SPATA16: variants seen among roughly 807,000 people sequenced by gnomAD.
SPATA16 encodes the protein spermatogenesis associated 16.
SPATA16 carries 36 observed loss-of-function variants against 63.3 expected under a neutral mutation model. The observed-to-expected ratio is 0.57, with a 90% CI of 0.44 to 0.75. The LOEUF (loss-of-function observed/expected upper bound fraction) is 0.75, where lower values mean the gene tolerates loss of function less well. Ranked by LOEUF, SPATA16 falls within the 30% of genes least tolerant of loss-of-function variation. The pLI is 0.00. For synonymous variants in SPATA16, 203 were observed against 216.7 expected, an observed-to-expected ratio of 0.94 and a Z score of 0.56; for missense variants, 646 against 679.3, an observed-to-expected ratio of 0.95 and a Z score of 0.54.
intron 2 of SPATA16, 75 bp from the exon 3 acceptor site, chr3:173,049,169 G>T (rs1265762109): frequency 2.1e-6 from 3 of 1,463,016 alleles, no homozygotes. Context: ...CAAAACATGT[G>T]TATGTTTTAT....
At chr3:173,050,484 T>G (rs1441804632) in intron 2 of SPATA16, among the ~76,000 whole-genome samples, 2 of 152,144 alleles carry the variant, frequency 1.3e-5, no homozygotes, top group African/African-American at 2.4e-5. Context: ...TCTTTACATT[T>G]TAATTTGAAT....
chr3:173,008,207 T>A (rs1306051164), intron 4 of SPATA16, among the ~76,000 whole-genome samples: 1 of 152,188 alleles, frequency 6.6e-6, no homozygotes, highest in Non-Finnish European at 1.5e-5. Context: ...GGCTCTTAGT[T>A]ATTTACCAGC....
At chr3:172,934,038 A>G (rs890906128) in intron 6 of SPATA16, among the ~76,000 whole-genome samples, 3 of 152,174 alleles carry the variant, frequency 2.0e-5, no homozygotes, top group East Asian at 1.9e-4. Context: ...CATTATTACA[A>G]TATTATCACT....
At chr3:173,112,941 G>A (rs1213852896) in intron 2 of SPATA16, among the ~76,000 whole-genome samples, 2 of 151,474 alleles carry the variant, frequency 1.3e-5, no homozygotes, top group African/African-American at 4.9e-5. Flanking sequence ...GATTGAAATG[G>A]TGGTGTTGTT....
intron 2 of SPATA16, among the ~76,000 whole-genome samples, chr3:173,105,710 A>G (rs1737603880): frequency 6.6e-6 from 1 of 152,014 alleles, no homozygotes; most frequent in Non-Finnish European, 1.5e-5. Context: ...CATGCAATAT[A>G]TCCAAAGTTG....
chr3:173,104,429 G>A (rs1489802892), intron 2 of SPATA16, among the ~76,000 whole-genome samples: 1 of 152,180 alleles, frequency 6.6e-6, no homozygotes, highest in African/African-American at 2.4e-5. Context: ...AAAAGGTTTA[G>A]TTGGCTTACA....
intron 6 of SPATA16, among the ~76,000 whole-genome samples, chr3:172,952,663 C>T (rs903636125): frequency 2.6e-5 from 4 of 152,070 alleles, no homozygotes; most frequent in African/African-American, 9.7e-5. Context: ...GAGTTTGGGC[C>T]GGGTGCAGTG....
intron 1 of SPATA16, among the ~76,000 whole-genome samples, chr3:173,129,238 T>C (rs1738307424): frequency 6.6e-6 from 1 of 152,172 alleles, no homozygotes; most frequent in Non-Finnish European, 1.5e-5. Flanking sequence ...GGGAGGACGT[T>C]CCAAACTCAA....
intron 3 of SPATA16, among the ~76,000 whole-genome samples, chr3:173,030,082 C>G (rs1403312308): frequency 6.6e-6 from 1 of 151,414 alleles, no homozygotes; most frequent in Non-Finnish European, 1.5e-5. Context: ...ATCTATCTAT[C>G]TATCTATCTA....
chr3:173,123,113 A>C (rs554339427), intron 1 of SPATA16, among the ~76,000 whole-genome samples: 1 of 152,350 alleles, frequency 6.6e-6, no homozygotes, highest in African/African-American at 2.4e-5. Flanking sequence ...ATTAGAAGGT[A>C]GAGGGAAATT....
intron 1 of SPATA16, among the ~76,000 whole-genome samples, chr3:173,120,001 C>T (rs548389016): frequency 3.3e-5 from 5 of 151,716 alleles, no homozygotes; most frequent in Non-Finnish European, 7.4e-5. Context: ...GCAGGAGAAT[C>T]ACTTGAACCC....
At chr3:173,084,545 TG>T (rs559237959) in intron 2 of SPATA16, among the ~76,000 whole-genome samples, 75 of 152,162 alleles carry the variant, frequency 4.9e-4, no homozygotes, top group Non-Finnish European at 7.9e-4. Flanking sequence ...TGTCAAGTTT[TG>T]CTTTTAGTGC....
chr3:172,943,366 A>T (rs892806861), intron 6 of SPATA16, among the ~76,000 whole-genome samples: 1 of 152,184 alleles, frequency 6.6e-6, no homozygotes, highest in South Asian at 2.1e-4. Context: ...GCCTGCTATC[A>T]CTCCTTTATT....
intron 2 of SPATA16, among the ~76,000 whole-genome samples, chr3:173,085,411 G>T (rs886993842): frequency 6.6e-6 from 1 of 152,068 alleles, no homozygotes; most frequent in Admixed American, 6.6e-5. Context: ...GGAATTTTTG[G>T]ATTGAGATGA....
chr3:172,889,479 A>T lies in SPATA16; in HGVS notation c.*91T>A. 6.3e-7 allele frequency: 1 copy of T among 1,582,342 alleles called. No individual in the cohort carries two copies. The highest frequency in any genetic ancestry group is 8.6e-7 in the Non-Finnish European group (1 of 1,156,810). ...TTTCTTTTGGTGACAAGCTTTTGTT[A>T]TCCAGCTTCACAGTACTAGGTGGGC... On this transcript the variant is annotated 3_prime_UTR_variant, in exon 11 of 11. Coordinates refer to ENST00000351008, the MANE Select transcript of SPATA16 (RefSeq NM_031955.6).
chr3:173,113,077 CCTA>C (rs990628496), intron 2 of SPATA16, among the ~76,000 whole-genome samples: 1 of 152,130 alleles, frequency 6.6e-6, no homozygotes, highest in Non-Finnish European at 1.5e-5. Context: ...TTAATCTTTT[CCTA>C]CTTTTTGTTG....
At chr3:173,112,335 A>G (rs13070127) in intron 2 of SPATA16, among the ~76,000 whole-genome samples, 46,309 of 152,120 alleles carry the variant, frequency 0.3, 7,353 homozygotes, top group East Asian at 0.38. Context: ...TCAAACTGCA[A>G]TGTGCACAAG....
At chr3:173,038,803 T>G (rs1735775111) in intron 3 of SPATA16, among the ~76,000 whole-genome samples, 3 of 152,178 alleles carry the variant, frequency 2.0e-5, no homozygotes, top group South Asian at 4.1e-4. Flanking sequence ...AAGGGTGACA[T>G]TAAGGCTGAA....
chr3:172,971,478 C>A (rs1279461523), intron 5 of SPATA16, among the ~76,000 whole-genome samples: 5 of 152,150 alleles, frequency 3.3e-5, no homozygotes, highest in African/African-American at 1.2e-4. Context: ...ATTTTGAAAG[C>A]AGATTAACTA....
Sources: gnomAD v4.1 joint callset for allele counts (sites outside exome capture counted in the v4.1 genomes callset) on GRCh38, gnomAD v4.1.1 for gene constraint, MANE v1.5 for transcripts, NCBI Gene and HGNC (gene_info 2026-07-23, HGNC 2026-07-21) for gene names.